UPP2: variants seen among roughly 807,000 people sequenced by gnomAD.
UPP2 encodes uridine phosphorylase 2, also known as UPase 2.
UPP2 carries 23 observed loss-of-function variants against 26.7 expected under a neutral mutation model. The observed-to-expected ratio is 0.86, with a 90% CI of 0.62 to 1.22. The LOEUF (loss-of-function observed/expected upper bound fraction) is 1.22. UPP2 is among the 50% of genes most tolerant of loss of function. The pLI is 0.00. For synonymous variants in UPP2, 127 were observed against 141.3 expected, an observed-to-expected ratio of 0.90 and a Z score of 0.72; for missense variants, 387 against 396.7, an observed-to-expected ratio of 0.98 and a Z score of 0.21.
At chr2:158,082,373 A>C (rs1682741178) in intron 3 of UPP2, among the ~76,000 whole-genome samples, 1 of 152,174 alleles carries the variant, frequency 6.6e-6, no homozygotes. Flanking sequence ...TCTTTCCCTA[A>C]GTCCCTAAAG....
At chr2:158,060,026 AT>A (rs1261688959) in intron 3 of UPP2, among the ~76,000 whole-genome samples, 5 of 152,182 alleles carry the variant, frequency 3.3e-5, no homozygotes, top group Non-Finnish European at 7.3e-5. Flanking sequence ...TAATTAACAC[AT>A]ATTATGAATA....
intron 3 of UPP2, among the ~76,000 whole-genome samples, chr2:158,076,493 T>A (rs987084996): frequency 6.6e-6 from 1 of 151,958 alleles, no homozygotes; most frequent in Non-Finnish European, 1.5e-5. Flanking sequence ...GGATTTACCA[T>A]AGGGATGCAA....
chr2:158,035,286 A>G (rs970460167), intron 3 of UPP2, among the ~76,000 whole-genome samples: 1 of 151,616 alleles, frequency 6.6e-6, no homozygotes, highest in Non-Finnish European at 1.5e-5. Context: ...GCTCCTGAGT[A>G]GCTGGGATTA....
At chr2:158,116,980 G>GT (rs1296165175) in intron 3 of UPP2, among the ~76,000 whole-genome samples, 1 of 152,012 alleles carries the variant, frequency 6.6e-6, no homozygotes, top group Non-Finnish European at 1.5e-5. Flanking sequence ...AAACATCATG[G>GT]TCACGGCCAA....
chr2:158,106,285 A>C, intron 2 of UPP2, 69 bp downstream of exon 2: 1 of 1,348,458 alleles, frequency 7.4e-7, no homozygotes, highest in Non-Finnish European at 1.1e-6. Flanking sequence ...TTACCTTGCC[A>C]AAATAATCTA....
At chr2:158,097,077 CAT>C (rs536691845), upstream of UPP2, among the ~76,000 whole-genome samples, 569 of 151,870 alleles carry the variant, frequency 3.7e-3, 5 homozygotes, top group African/African-American at 0.013. Flanking sequence ...GTTTTAAAAA[CAT>C]GATAAAAAAT....
chr2:158,121,379 C>G lies in UPP2; in HGVS notation c.455-30C>G. ...TCAAAAGTAAACTCTAAACGATATT[C>G]TTCTGTAATCATTTATTCCCACATT... On this transcript the variant is annotated intron_variant, in intron 4 of 6. Transcript: ENST00000005756. 7.6e-6 allele frequency: 12 copies of G among 1,578,940 alleles called. 1 individual carries two copies. The highest frequency in any genetic ancestry group is 1.0e-5 in the Non-Finnish European group (12 of 1,147,620).
intron 3 of UPP2, among the ~76,000 whole-genome samples, chr2:158,087,408 C>T (rs1218883948): frequency 6.6e-6 from 1 of 152,168 alleles, no homozygotes; most frequent in Non-Finnish European, 1.5e-5. Flanking sequence ...CTCTTGAAGA[C>T]AGCAGATCCT....
chr2:158,039,311 T>C (rs1407290131), intron 3 of UPP2, among the ~76,000 whole-genome samples: 2 of 152,224 alleles, frequency 1.3e-5, no homozygotes, highest in African/African-American at 4.8e-5. Flanking sequence ...TAGCAAGCTG[T>C]GTCACATTGA....
chr2:158,026,031 G>A (rs67549684), intron 3 of UPP2, among the ~76,000 whole-genome samples: 32,453 of 151,988 alleles, frequency 0.21, 4,132 homozygotes, highest in African/African-American at 0.36. Flanking sequence ...ATGAAGTACA[G>A]CAGCCTCCAT....
chr2:158,057,719 C>T (rs16842512), intron 3 of UPP2, among the ~76,000 whole-genome samples: 5,016 of 150,946 alleles, frequency 0.033, 149 homozygotes, highest in East Asian at 0.14. Flanking sequence ...TAAGTATAGT[C>T]TACAGTTGAT....
At position 158,059,301 on chromosome 2, in the gene UPP2, A is replaced by G. The variant is rs974830807; in HGVS notation, c.148-42739A>G. ...CATATAATGAACTTGACCATCAGGT[A>G]ACCAAGCTAGTGCCTCAGACAGCTT... is the stretch of plus-strand genomic sequence containing the variant. On this transcript the variant is annotated intron_variant, in intron 3 of 9. Coordinates refer to the UPP2 transcript ENST00000605860. Among the ~76,000 whole-genome samples the G allele has an allele frequency of 3.9e-4, 60 of 152,224 alleles. 1 individual carries two copies. The highest frequency in any genetic ancestry group is 4.4e-5 in the Non-Finnish European group (3 of 68,030).
chr2:158,124,493 G>A (rs1683649976), intron 6 of UPP2, among the ~76,000 whole-genome samples: 1 of 152,206 alleles, frequency 6.6e-6, no homozygotes. Context: ...GAAATGAGAA[G>A]CCACTGGAGA....
At chr2:158,131,747 T>C (rs989909624) in intron 6 of UPP2, among the ~76,000 whole-genome samples, 8 of 152,224 alleles carry the variant, frequency 5.3e-5, no homozygotes, top group African/African-American at 1.9e-4. Flanking sequence ...AGGATTTTGC[T>C]AGCAAAGCTG....
At chr2:158,117,501 G>T (rs1259890440) in intron 3 of UPP2, among the ~76,000 whole-genome samples, 1 of 151,966 alleles carries the variant, frequency 6.6e-6, no homozygotes, top group Non-Finnish European at 1.5e-5. Context: ...ATCATGAAGA[G>T]CCCAGTGGGA....
At chr2:158,105,112 A>T (rs13418081) in intron 1 of UPP2, among the ~76,000 whole-genome samples, 2,160 of 150,634 alleles carry the variant, frequency 0.014, 62 homozygotes, top group African/African-American at 0.05. Flanking sequence ...CTTGGCAAAG[A>T]CGTCTTGACC....
chr2:158,049,789 AT>A (rs1360808217), intron 3 of UPP2, among the ~76,000 whole-genome samples: 1 of 152,198 alleles, frequency 6.6e-6, no homozygotes, highest in Admixed American at 6.5e-5. Flanking sequence ...ACTGGGGAAT[AT>A]TACCTAGGGA....
At chr2:157,995,859 GT>G (rs560058122) in intron 2 of UPP2, among the ~76,000 whole-genome samples, 1 of 149,976 alleles carries the variant, frequency 6.7e-6, no homozygotes, top group African/African-American at 2.4e-5. Flanking sequence ...GATTTCCTGT[GT>G]TTTTTTTTCT....
chr2:158,025,239 G>T (rs922571680), intron 3 of UPP2, among the ~76,000 whole-genome samples: 5 of 151,842 alleles, frequency 3.3e-5, no homozygotes, highest in South Asian at 4.2e-4. Context: ...ATATAAAAAG[G>T]TCAGGGTGGA....
Sources: gnomAD v4.1 joint callset for allele counts (sites outside exome capture counted in the v4.1 genomes callset) on GRCh38, gnomAD v4.1.1 for gene constraint, MANE v1.5 for transcripts, NCBI Gene and HGNC (gene_info 2026-07-23, HGNC 2026-07-21) for gene names.